The following GPR89B variants were observed in gnomAD, a reference collection of about 807,000 sequenced individuals.
GPR89B encodes the protein G protein-coupled receptor 89B.
GPR89B carries 25 observed loss-of-function variants against 52.4 expected under a neutral mutation model. The observed-to-expected ratio is 0.48, with a 90% CI of 0.35 to 0.67. The LOEUF (loss-of-function observed/expected upper bound fraction) is 0.67. Ranked by LOEUF, GPR89B falls within the 30% of genes least tolerant of loss-of-function variation. The pLI is 0.01. For missense variants in GPR89B, 146 were observed against 450.2 expected (o/e 0.32, Z 6.11); for synonymous variants, 52 against 151.2 (o/e 0.34, Z 4.81).
intron 10 of GPR89B, among the ~76,000 whole-genome samples, chr1:147,984,281 A>G (rs1366253470): frequency 6.6e-6 from 1 of 151,682 alleles, no homozygotes; most frequent in East Asian, 1.9e-4. Context: ...TACATATGTA[A>G]CTAACCTGCA....
At chr1:148,000,669 A>G in the GPR89B span, among the ~76,000 whole-genome samples, 1 of 150,258 alleles carries the variant, frequency 6.7e-6, no homozygotes, top group African/African-American at 2.4e-5. Context: ...CACAGAGGAC[A>G]TTTATCTTGT....
chr1:147,949,918 C>CG (rs1199551673), intron 5 of GPR89B, among the ~76,000 whole-genome samples: 2 of 127,930 alleles, frequency 1.6e-5, no homozygotes, highest in African/African-American at 6.5e-5. Flanking sequence ...GCTGGCCGGG[C>CG]GGGGGGCTGA....
intron 3 of GPR89B, 45 bp downstream of exon 3, chr1:147,938,862 C>T: frequency 3.6e-6 from 5 of 1,395,362 alleles, no homozygotes; most frequent in Middle Eastern, 1.9e-4. Context: ...TTCTGTGCTA[C>T]ATTCTTTACA....
At chr1:147,940,275 C>T (rs1224488298) in intron 3 of GPR89B, among the ~76,000 whole-genome samples, 10 of 151,504 alleles carry the variant, frequency 6.6e-5, no homozygotes, top group African/African-American at 1.9e-4. Context: ...TGGTGGTGGG[C>T]GCCTGTAGTC....
At chr1:148,008,692 TC>T in the GPR89B span, among the ~76,000 whole-genome samples, 1 of 152,172 alleles carries the variant, frequency 6.6e-6, no homozygotes, top group Admixed American at 6.5e-5. Flanking sequence ...AAATAGAACT[TC>T]TGGTACTTCC....
intron 10 of GPR89B, among the ~76,000 whole-genome samples, chr1:147,973,825 A>G (rs1164030804): frequency 9.9e-5 from 15 of 151,410 alleles, no homozygotes; most frequent in Non-Finnish European, 1.9e-4. Context: ...TCTTTAATCC[A>G]TCTTGAGTTA....
intron 9 of GPR89B, chr1:147,969,411 ATAATT>A (rs1657260963): frequency 9.6e-6 from 2 of 207,280 alleles, no homozygotes; most frequent in Middle Eastern, 2.2e-3. Flanking sequence ...AAAATAAAAT[ATAATT>A]TAAATGTGCA....
At position 147,986,303 on chromosome 1, in the gene GPR89B, T is replaced by A. The variant is rs1375014846; in HGVS notation, c.1005+9T>A. ...TGGGAATCCAATTTGATGTAAGTGT[T>A]ATATCAAGATCCTGGTTTGTCATGT... is the stretch of plus-strand genomic sequence containing the variant. On this transcript the variant is annotated intron_variant, in intron 11 of 13. Coordinates refer to ENST00000314163, the MANE Select transcript of GPR89B (RefSeq NM_016334.5). 6.2e-7 allele frequency: 1 copy of A among 1,610,866 alleles called. No homozygotes were observed. The highest frequency in any genetic ancestry group is 8.5e-7 in the Non-Finnish European group (1 of 1,179,164).
intron 3 of GPR89B, among the ~76,000 whole-genome samples, chr1:147,939,898 G>GCTGAAGC (rs1654404625): frequency 6.6e-6 from 1 of 151,628 alleles, no homozygotes; most frequent in South Asian, 2.1e-4. Context: ...TACCCTGGAG[G>GCTGAAGC]CTGAAGCAGG....
chr1:147,986,388 C>G, intron 11 of GPR89B, 94 bp downstream of exon 11: 1 of 1,503,898 alleles, frequency 6.6e-7, no homozygotes. Flanking sequence ...ACTTTAGGTA[C>G]TTGCTTCTGC....
chr1:147,978,058 G>C (rs1657970193), intron 10 of GPR89B, among the ~76,000 whole-genome samples: 1 of 150,618 alleles, frequency 6.6e-6, no homozygotes, highest in Admixed American at 6.6e-5. Context: ...GTGATCATTT[G>C]GAGAAGAGGC....
chr1:147,971,259 C>T (rs1657441086), intron 10 of GPR89B, among the ~76,000 whole-genome samples: 1 of 151,536 alleles, frequency 6.6e-6, no homozygotes, highest in African/African-American at 2.4e-5. Context: ...AAGCAATTCT[C>T]CTGCCTCAGC....
chr1:147,944,149 T>C (rs1553249423), intron 5 of GPR89B, 51 bp downstream of exon 5: 2 of 1,584,406 alleles, frequency 1.3e-6, no homozygotes, highest in Admixed American at 4.0e-5. Context: ...ATTTGTTTAA[T>C]TTTCTGATTT....
At chr1:148,008,583 G>A in the GPR89B span, among the ~76,000 whole-genome samples, 2 of 152,216 alleles carry the variant, frequency 1.3e-5, no homozygotes, top group African/African-American at 4.8e-5. Context: ...CAGTGTTCAA[G>A]AAGGAATCGA....
the GPR89B span, chr1:148,010,800 G>A: frequency 6.6e-6 from 1 of 152,200 alleles, no homozygotes; most frequent in Non-Finnish European, 1.5e-5. Flanking sequence ...TTTCCATAGA[G>A]GTCTGTTATC....
At chr1:147,962,520 A>T (rs1451583055) in intron 7 of GPR89B, among the ~76,000 whole-genome samples, 2 of 151,852 alleles carry the variant, frequency 1.3e-5, no homozygotes, top group African/African-American at 2.4e-5. Flanking sequence ...GAGGAAAGAT[A>T]ACCTTTCACC....
At chr1:147,951,655 G>A (rs1182523759) in intron 5 of GPR89B, among the ~76,000 whole-genome samples, 1 of 151,962 alleles carries the variant, frequency 6.6e-6, no homozygotes, top group African/African-American at 2.4e-5. Flanking sequence ...TGAAAGAGGT[G>A]GAAGGGATTG....
chr1:147,958,764 A>G (rs2149065311), intron 7 of GPR89B, among the ~76,000 whole-genome samples: 1 of 152,158 alleles, frequency 6.6e-6, no homozygotes, highest in African/African-American at 2.4e-5. Context: ...TTCCCCTATA[A>G]TGCATTGTCT....
At position 147,943,375 on chromosome 1, in the gene GPR89B, T is replaced by C. The variant is rs1553249186; in HGVS notation, c.207-63T>C. 6 of 1,598,422 alleles carry C rather than the reference T, an allele frequency of 3.8e-6. No individual in the cohort carries two copies. The East Asian group carries it at 1.1e-4, about 30-fold the overall frequency. ...AGAGCAAAAGGACCCTTTGGAAGACTAAAGAGAAAGAAAGTTGCTGCCCTC... is the reference window on the plus strand; with the variant it reads ...AGAGCAAAAGGACCCTTTGGAAGACCAAAGAGAAAGAAAGTTGCTGCCCTC... On this transcript the variant is annotated intron_variant, in intron 3 of 13. Coordinates refer to ENST00000314163, the MANE Select transcript of GPR89B (RefSeq NM_016334.5).
Sources: gnomAD v4.1 joint callset for allele counts (sites outside exome capture counted in the v4.1 genomes callset) on GRCh38, gnomAD v4.1.1 for gene constraint, MANE v1.5 for transcripts, NCBI Gene and HGNC (gene_info 2026-07-23, HGNC 2026-07-21) for gene names.